Variants in FSTL4 observed in about 807,000 individuals in gnomAD.
The protein encoded by FSTL4 is follistatin like 4.
A neutral mutation model predicts 78.2 loss-of-function variants in FSTL4; 28 were observed. That is an observed-to-expected ratio of 0.36 (90% CI 0.27 to 0.49). The LOEUF is 0.49. FSTL4 is among the 20% of genes least tolerant of loss of function. The pLI is 0.98. For synonymous variants in FSTL4, 422 were observed against 440.5 expected (o/e 0.96, Z 0.53); for missense variants, 922 against 1,084.9 (o/e 0.85, Z 2.11).
At chr5:133,370,835 T>C (rs29549) in intron 4 of FSTL4, among the ~76,000 whole-genome samples, 146,563 of 152,194 alleles carry the variant, frequency 0.96, 70,605 homozygotes, top group East Asian at 1. Context: ...GTTCAAAGAC[T>C]CATTAGGGTC....
At chr5:133,372,273 C>CATG (rs1561690374) in intron 4 of FSTL4, among the ~76,000 whole-genome samples, 2 of 59,882 alleles carry the variant, frequency 3.3e-5, no homozygotes, top group Admixed American at 1.9e-4. Flanking sequence ...ATGTATGTAT[C>CATG]TATCTATCTA....
rs115815465 is a variant in FSTL4 at position 133,209,163 on chromosome 5, A to G, written c.1716+1028T>C. ...CCAGGCTCTCTGATAGGTTATTACT[A>G]TTTTTTGTCACCTCACTGGACCCAA... On this transcript the variant is annotated intron_variant, in intron 14 of 15. Transcript: ENST00000265342. 4.7e-3 allele frequency among the ~76,000 whole-genome samples: 707 copies of G among 152,030 alleles called. 11 individuals are homozygous for G. Among genetic ancestry groups the G allele is most frequent in the African/African-American group, 0.017 (684 of 41,434 alleles).
At chr5:133,401,472 C>T (rs1429693701) in intron 3 of FSTL4, among the ~76,000 whole-genome samples, 1 of 152,206 alleles carries the variant, frequency 6.6e-6, no homozygotes, top group Non-Finnish European at 1.5e-5. Context: ...GTGGTCCCCT[C>T]CACCCCCTGC....
At chr5:133,312,302 G>A (rs894586853) in intron 6 of FSTL4, 1 of 220,590 alleles carries the variant, frequency 4.5e-6, no homozygotes, top group Non-Finnish European at 8.9e-6. Context: ...ACATGGCCAG[G>A]CCCTAGCCTG....
Position 133,225,305 on chromosome 5 carries a change from A to G in FSTL4, c.1178-21T>C, listed in dbSNP as rs1435086900. ...ATTGGCTGCAGACAGGACAGTGCTC[A>G]GGGTGGACTGCTCAGCTGGAGACCC... is the stretch of plus-strand genomic sequence containing the variant. On this transcript the variant is annotated intron_variant, in intron 9 of 15. Transcript: ENST00000265342. This position sits in a 1 kb window ranked among gnomAD's most constrained non-coding sequence, Gnocchi z 4.6. The G allele has an allele frequency of 1.2e-6, 2 of 1,613,978 alleles. No individual in the cohort carries two copies. Among genetic ancestry groups the G allele is most frequent in the African/African-American group, 1.3e-5 (1 of 74,936 alleles).
chr5:133,393,437 TGAA>T (rs1319987416), intron 4 of FSTL4, among the ~76,000 whole-genome samples: 1 of 152,164 alleles, frequency 6.6e-6, no homozygotes, highest in African/African-American at 2.4e-5. Context: ...CAGATGTCTG[TGAA>T]GGTGAGTGGC....
At chr5:133,330,106 C>T (rs1040762757) in intron 4 of FSTL4, among the ~76,000 whole-genome samples, 2 of 152,176 alleles carry the variant, frequency 1.3e-5, no homozygotes, top group African/African-American at 4.8e-5. Context: ...CTGTTGTATT[C>T]TTAGGGTTCC....
chr5:133,273,441 C>T (rs911888716), intron 6 of FSTL4, among the ~76,000 whole-genome samples: 2 of 152,222 alleles, frequency 1.3e-5, no homozygotes, highest in East Asian at 3.9e-4. Flanking sequence ...TAGAGTCCTC[C>T]AGCCTGGGGC....
intron 6 of FSTL4, among the ~76,000 whole-genome samples, chr5:133,260,639 G>A (rs1752498428): frequency 6.6e-6 from 1 of 152,206 alleles, no homozygotes; most frequent in South Asian, 2.1e-4. Context: ...CCTGGTCCAG[G>A]GGAAGCCATG....
chr5:133,517,445 A>AT (rs1284643750), intron 3 of FSTL4, among the ~76,000 whole-genome samples: 1 of 23,768 alleles, frequency 4.2e-5, no homozygotes, highest in South Asian at 1.3e-3. Flanking sequence ...AAAAAAAAAA[A>AT]AAATATATAT....
chr5:133,214,478 G>A (rs1750845637), intron 13 of FSTL4, among the ~76,000 whole-genome samples: 1 of 152,120 alleles, frequency 6.6e-6, no homozygotes, highest in Non-Finnish European at 1.5e-5. Flanking sequence ...ATCCAACTCT[G>A]GTCTCACTTT....
the FSTL4 span, among the ~76,000 whole-genome samples, chr5:133,633,336 A>T: frequency 6.6e-6 from 1 of 152,008 alleles, no homozygotes; most frequent in African/African-American, 2.4e-5. Context: ...CTATTTTCAG[A>T]TTGGGCAATA....
intron 3 of FSTL4, among the ~76,000 whole-genome samples, chr5:133,406,036 G>A (rs536254378): frequency 2.0e-5 from 3 of 152,362 alleles, no homozygotes; most frequent in Non-Finnish European, 4.4e-5. Context: ...ACACACAAGA[G>A]GGTGAACTGG....
intron 4 of FSTL4, among the ~76,000 whole-genome samples, chr5:133,327,163 G>A (rs1285389676): frequency 1.3e-5 from 2 of 152,180 alleles, no homozygotes; most frequent in East Asian, 1.9e-4. Context: ...GAAACTCAAC[G>A]AAGAACCTGT....
chr5:133,687,298 G>A, the FSTL4 span, among the ~76,000 whole-genome samples: 1 of 152,228 alleles, frequency 6.6e-6, no homozygotes, highest in Non-Finnish European at 1.5e-5. Flanking sequence ...GAGGAGGGCA[G>A]TGAGCCCAGC....
intron 6 of FSTL4, among the ~76,000 whole-genome samples, chr5:133,305,358 G>C (rs1159669896): frequency 6.6e-6 from 1 of 152,164 alleles, no homozygotes; most frequent in Non-Finnish European, 1.5e-5. Context: ...CCCTAACTGT[G>C]GTGGCGGCCT....
intron 3 of FSTL4, among the ~76,000 whole-genome samples, chr5:133,526,160 G>A (rs1387400587): frequency 6.6e-6 from 1 of 152,078 alleles, no homozygotes; most frequent in African/African-American, 2.4e-5. Flanking sequence ...ACAGTTATTG[G>A]ACATACTAAA....
At chr5:133,340,262 G>A (rs35438012) in intron 4 of FSTL4, among the ~76,000 whole-genome samples, 22,711 of 152,104 alleles carry the variant, frequency 0.15, 1,916 homozygotes, top group East Asian at 0.36. Flanking sequence ...GGAGCACCCC[G>A]GATGGCAGAG....
At chr5:133,303,652 G>GA (rs1753597889) in intron 6 of FSTL4, among the ~76,000 whole-genome samples, 2 of 152,224 alleles carry the variant, frequency 1.3e-5, no homozygotes, top group Non-Finnish European at 2.9e-5. Context: ...CACAAGCTGG[G>GA]CCTTGTAGTA....
Sources: gnomAD v4.1 joint callset for allele counts (sites outside exome capture counted in the v4.1 genomes callset) on GRCh38, gnomAD v4.1.1 for gene constraint, Gnocchi (gnomAD v3.1) non-coding constraint, MANE v1.5 for transcripts, NCBI Gene and HGNC (gene_info 2026-07-23, HGNC 2026-07-21) for gene names.